GRK5: variants seen among roughly 807,000 people sequenced by gnomAD.
GRK5 encodes the protein G protein-coupled receptor kinase 5.
Under a neutral mutation model 78.4 loss-of-function variants are expected in GRK5, and 40 were observed. That is an observed-to-expected ratio of 0.51 (90% CI 0.40 to 0.66). The LOEUF is 0.66. GRK5 is among the 30% of genes least tolerant of loss of function. The pLI is 0.00. For synonymous variants in GRK5, 289 were observed against 296.8 expected, an observed-to-expected ratio of 0.97 and a Z score of 0.27; for missense variants, 598 against 759.9, an observed-to-expected ratio of 0.79 and a Z score of 2.50.
chr10:119,236,762 C>T (rs1848940735), intron 1 of GRK5, among the ~76,000 whole-genome samples: 1 of 152,076 alleles, frequency 6.6e-6, no homozygotes, highest in South Asian at 2.1e-4. Context: ...GCCTCAGCCT[C>T]ACAAGTAGCT....
At chr10:119,265,632 T>G (rs775899155) in intron 1 of GRK5, among the ~76,000 whole-genome samples, 1 of 152,226 alleles carries the variant, frequency 6.6e-6, no homozygotes, top group Non-Finnish European at 1.5e-5. Context: ...TTCCTGCTGT[T>G]TCAGCCACCC....
At chr10:119,444,767 G>T (rs12258515) in intron 12 of GRK5, among the ~76,000 whole-genome samples, 7 of 152,080 alleles carry the variant, frequency 4.6e-5, no homozygotes, top group South Asian at 4.1e-4. Flanking sequence ...GAGCCTGGGA[G>T]GGGGGAGCCA....
At chr10:119,304,042 G>A (rs775456013) in intron 1 of GRK5, among the ~76,000 whole-genome samples, 1 of 152,166 alleles carries the variant, frequency 6.6e-6, no homozygotes, top group Non-Finnish European at 1.5e-5. Flanking sequence ...TCTGGATCCA[G>A]AAGGCGGAGG....
chr10:119,295,552 C>A (rs751381771), intron 1 of GRK5, among the ~76,000 whole-genome samples: 1 of 152,078 alleles, frequency 6.6e-6, no homozygotes, highest in Non-Finnish European at 1.5e-5. Context: ...GGAACCATCC[C>A]AAATGCCTGT....
chr10:119,306,551 C>T (rs577208795), intron 1 of GRK5, among the ~76,000 whole-genome samples: 66 of 152,242 alleles, frequency 4.3e-4, no homozygotes, highest in Middle Eastern at 6.8e-3. Flanking sequence ...GATCACACAG[C>T]GAGGGAAGGA....
Position 119,207,737 on chromosome 10 carries a change from C to T in GRK5, c.-181C>T, listed in dbSNP as rs1589677829. 34 of 539,464 alleles carry T rather than the reference C, an allele frequency of 6.3e-5. No homozygotes were observed. The South Asian group carries it at 7.4e-4, about 12-fold the overall frequency. The allele number at this position is 539,464 out of a possible 1,614,324, so 33.4% of individuals were successfully genotyped here. A position where few individuals can be genotyped will look rare whatever the true frequency, so the allele number is the denominator to read the frequency against. On this transcript the variant is annotated 5_prime_UTR_variant, in exon 1 of 16. Coordinates refer to ENST00000392870, the MANE Select transcript of GRK5 (RefSeq NM_005308.3). ...GCGGCGGCGGCGGCGGCGGCGGCTC[C>T]TCTTTGCAGAGGGGGAAACTCTTGG...
chr10:119,296,675 C>T (rs762026529), intron 1 of GRK5, among the ~76,000 whole-genome samples: 14 of 152,302 alleles, frequency 9.2e-5, no homozygotes, highest in South Asian at 8.3e-4. Context: ...CTCTGATGAG[C>T]GTCTCTCATG....
intron 2 of GRK5, among the ~76,000 whole-genome samples, chr10:119,360,678 C>T (rs1851348508): frequency 6.6e-6 from 1 of 152,202 alleles, no homozygotes; most frequent in Admixed American, 6.5e-5. Flanking sequence ...GGAGGAGCCC[C>T]TCTCGCAGCT....
chr10:119,241,100 T>C (rs1849018104), intron 1 of GRK5, among the ~76,000 whole-genome samples: 1 of 152,082 alleles, frequency 6.6e-6, no homozygotes, highest in African/African-American at 2.4e-5. Flanking sequence ...AAAATCCGTG[T>C]TCTAGTCCCT....
intron 2 of GRK5, among the ~76,000 whole-genome samples, chr10:119,364,932 T>C (rs551468582): frequency 6.6e-6 from 1 of 152,352 alleles, no homozygotes; most frequent in Admixed American, 6.5e-5. Context: ...ATCATATTCT[T>C]TGATCATCCT....
At chr10:119,296,665 C>G (rs772725439) in intron 1 of GRK5, among the ~76,000 whole-genome samples, 1 of 152,244 alleles carries the variant, frequency 6.6e-6, no homozygotes, top group African/African-American at 2.4e-5. Context: ...GGCTGACAGA[C>G]TCTGATGAGC....
At chr10:119,269,769 GTTGCAGTGAGCTGAGATCGCACCACTGCA>G (rs1849556348) in intron 1 of GRK5, among the ~76,000 whole-genome samples, 2 of 149,580 alleles carry the variant, frequency 1.3e-5, no homozygotes, top group Non-Finnish European at 1.5e-5. Flanking sequence ...GAAGGCGGAG[GTTGCAGTGAGCTGAGATCGCACCACTGCA>G]CTCCAGCCTG....
chr10:119,313,679 C>T (rs959028871), intron 1 of GRK5, among the ~76,000 whole-genome samples: 2 of 152,008 alleles, frequency 1.3e-5, no homozygotes, highest in Non-Finnish European at 2.9e-5. Context: ...GTCAGCACCA[C>T]CCTCCCTGGA....
intron 2 of GRK5, among the ~76,000 whole-genome samples, chr10:119,372,143 C>T (rs1251396505): frequency 6.6e-6 from 1 of 152,200 alleles, no homozygotes; most frequent in African/African-American, 2.4e-5. Flanking sequence ...CTGCTGAAAA[C>T]CTCTGAGCTA....
At chr10:119,359,340 C>T (rs1174197501) in intron 2 of GRK5, among the ~76,000 whole-genome samples, 1 of 152,218 alleles carries the variant, frequency 6.6e-6, no homozygotes, top group African/African-American at 2.4e-5. Flanking sequence ...TGAGCTGTAG[C>T]TGTTTTCCAG....
chr10:119,213,480 C>T (rs1480772598), intron 1 of GRK5, among the ~76,000 whole-genome samples: 7 of 151,896 alleles, frequency 4.6e-5, no homozygotes, highest in African/African-American at 1.2e-4. Flanking sequence ...CACCGTACTC[C>T]GGACTGGGTG....
At chr10:119,391,575 G>A (rs545257160) in intron 3 of GRK5, among the ~76,000 whole-genome samples, 2 of 152,098 alleles carry the variant, frequency 1.3e-5, no homozygotes, top group Non-Finnish European at 2.9e-5. Context: ...ACGCGGGATC[G>A]TGGGAGAAGA....
chr10:119,263,311 A>G (rs933992241), intron 1 of GRK5, among the ~76,000 whole-genome samples: 3 of 152,032 alleles, frequency 2.0e-5, no homozygotes, highest in Non-Finnish European at 4.4e-5. Context: ...CCAGTCCACA[A>G]TGTACATTCT....
At chr10:119,436,943 C>A in intron 9 of GRK5, 102 bp downstream of exon 9, 2 of 1,087,016 alleles carry the variant, frequency 1.8e-6, no homozygotes, top group Non-Finnish European at 2.6e-6. Flanking sequence ...TGGGAATCAG[C>A]CCTGGTCAGC....
Sources: allele counts gnomAD v4.1 joint callset (sites outside exome capture counted in the v4.1 genomes callset), GRCh38; gene constraint gnomAD v4.1.1; transcripts MANE v1.5; gene names NCBI Gene and HGNC (gene_info 2026-07-23, HGNC 2026-07-21).